Variants in ITGB2 observed in about 807,000 individuals in gnomAD.
ITGB2 encodes the protein integrin beta-2.
Under a neutral mutation model 86.8 loss-of-function variants are expected in ITGB2, and 56 were observed. The ratio of observed to expected loss-of-function variants is 0.65; its 90% CI spans 0.52 to 0.81. ITGB2 has a LOEUF of 0.81. ITGB2 is among the 30% of genes least tolerant of loss of function. ITGB2 has a pLI of 0.00. For synonymous variants in ITGB2, 457 were observed against 450.4 expected (o/e 1.01, Z -0.19); for missense variants, 948 against 1,061.2 (o/e 0.89, Z 1.48).
intron 3 of ITGB2, among the ~76,000 whole-genome samples, chr21:44,908,618 C>T (rs1372405276): frequency 1.3e-5 from 2 of 152,108 alleles, no homozygotes; most frequent in Non-Finnish European, 2.9e-5. Context: ...ATTTCTTTTT[C>T]GGGGAGCTCG....
At chr21:44,891,631 G>A (rs549257362) in intron 11 of ITGB2, among the ~76,000 whole-genome samples, 178 bp downstream of exon 11, 4 of 152,278 alleles carry the variant, frequency 2.6e-5, no homozygotes, top group East Asian at 1.9e-4. Flanking sequence ...AGGGCTTGCC[G>A]AGGGGTTCTG....
At position 44,888,714 on chromosome 21, in the gene ITGB2, T is replaced by A; in HGVS notation, c.2059A>T (p.Ile687Phe). 6.2e-7 allele frequency: 1 copy of A among 1,609,604 alleles called. No individual in the cohort carries two copies. Among genetic ancestry groups the A allele is most frequent in the Non-Finnish European group, 8.5e-7 (1 of 1,179,634 alleles). Residue 687 changes from isoleucine to phenylalanine, a missense_variant, in exon 14 of 16, where the codon ATC becomes TTC. Coordinates refer to ENST00000652462, the MANE Select transcript of ITGB2 (RefSeq NM_000211.5). ...EQQDGMDRYL[I>F]YVDESRECVA... ...TCACCTCGGCTCTCATCCACATAGATGAGGTAGCGGTCCATCCCGTCCTGC... is the reference window on the plus strand; with the variant it reads ...TCACCTCGGCTCTCATCCACATAGAAGAGGTAGCGGTCCATCCCGTCCTGC...
At chr21:44,897,389 C>T (rs1250470596) in intron 8 of ITGB2, among the ~76,000 whole-genome samples, 1 of 152,206 alleles carries the variant, frequency 6.6e-6, no homozygotes, top group African/African-American at 2.4e-5. Context: ...GGCAGAGCCC[C>T]AGGCAGGGGG....
intron 5 of ITGB2, among the ~76,000 whole-genome samples, chr21:44,902,121 G>T (rs1347599807): frequency 6.6e-6 from 1 of 152,238 alleles, no homozygotes; most frequent in Admixed American, 6.5e-5. Context: ...ACGTATTCCT[G>T]TATGCATGTG....
intron 2 of ITGB2, 147 bp from the exon 3 acceptor site, chr21:44,910,519 G>T: frequency 6.6e-7 from 1 of 1,510,238 alleles, no homozygotes; most frequent in Admixed American, 2.0e-5. Flanking sequence ...CCACCCCCAG[G>T]TGCAAAGAGG....
At chr21:44,914,941 A>G (rs2084182848) in intron 1 of ITGB2, among the ~76,000 whole-genome samples, 5 of 151,868 alleles carry the variant, frequency 3.3e-5, no homozygotes, top group Admixed American at 3.3e-4. Context: ...TCAAAAAAAA[A>G]AGAAAAGAAA....
chr21:44,900,481 A>G lies in ITGB2; in HGVS notation c.742-6T>C, dbSNP rs1340864224. 1 of 1,613,616 alleles carries G rather than the reference A, an allele frequency of 6.2e-7. No homozygotes were observed. Among genetic ancestry groups the G allele is most frequent in the Admixed American group, 1.7e-5 (1 of 59,994 alleles). ...TTGCGCCAGCCGATTTCCTCCTGAG[A>G]AGAAGGCGTGGGGGGCAGGGTTACC... is the stretch of plus-strand genomic sequence containing the variant. On this transcript the variant is annotated splice_polypyrimidine_tract_variant and splice_region_variant and intron_variant, in intron 6 of 15. Coordinates refer to ENST00000652462, the MANE Select transcript of ITGB2 (RefSeq NM_000211.5).
At chr21:44,903,607 C>A in intron 4 of ITGB2, 72 bp from the exon 5 acceptor site, 1 of 1,581,472 alleles carries the variant, frequency 6.3e-7, no homozygotes, top group Non-Finnish European at 8.6e-7. Flanking sequence ...CGTGTGGCCC[C>A]GAGCGGGCTG....
chr21:44,891,176 C>T (rs909881237), intron 11 of ITGB2, among the ~76,000 whole-genome samples: 17 of 152,222 alleles, frequency 1.1e-4, no homozygotes, highest in South Asian at 2.1e-4. Flanking sequence ...ATCCAGCCCC[C>T]GGGCAGGCCG....
chr21:44,913,565 G>T (rs531156557), intron 1 of ITGB2, among the ~76,000 whole-genome samples: 1 of 152,240 alleles, frequency 6.6e-6, no homozygotes, highest in African/African-American at 2.4e-5. Flanking sequence ...TTGGAGCTGG[G>T]GGCACAAGAG....
chr21:44,911,738 C>T (rs2084136850), intron 1 of ITGB2, among the ~76,000 whole-genome samples: 1 of 152,244 alleles, frequency 6.6e-6, no homozygotes, highest in African/African-American at 2.4e-5. Flanking sequence ...AGTGGTCACT[C>T]ACAGGCCCTC....
chr21:44,905,846 G>A (rs949529418), intron 4 of ITGB2, among the ~76,000 whole-genome samples: 6 of 151,920 alleles, frequency 3.9e-5, no homozygotes, highest in East Asian at 1.9e-4. Context: ...TCACCTGGCC[G>A]CCTGCACCCT....
chr21:44,922,969 C>T (rs776636147), upstream of ITGB2: 1 of 152,180 alleles, frequency 6.6e-6, no homozygotes, highest in East Asian at 1.9e-4. Flanking sequence ...CTACTACACC[C>T]GCTGATGACT....
Position 44,891,952 on chromosome 21 carries a change from C to T in ITGB2, c.1269G>A (p.Glu423=), listed in dbSNP as rs762222242. 6.2e-7 allele frequency: 1 copy of T among 1,613,368 alleles called. No homozygotes were observed. Among genetic ancestry groups the T allele is most frequent in the Non-Finnish European group, 8.5e-7 (1 of 1,180,002 alleles). Residue 423 remains glutamate (E), a synonymous_variant, in exon 11 of 16, where the codon GAG becomes GAA. Transcript: ENST00000652462. The part of the protein sequence containing the change: ...VKVTATECIQ[E]QSFVIRALGF... ...CCAGCGCCCGGATGACAAACGACTGCTCCTGGATGCACTCTGTGGCCGTGA... is the reference window on the plus strand; with the variant it reads ...CCAGCGCCCGGATGACAAACGACTGTTCCTGGATGCACTCTGTGGCCGTGA...
chr21:44,918,066 G>A (rs2084237407), intron 1 of ITGB2, among the ~76,000 whole-genome samples: 2 of 152,226 alleles, frequency 1.3e-5, no homozygotes, highest in African/African-American at 4.8e-5. Context: ...CTGGCACCAG[G>A]TCCGGCTTGG....
chr21:44,911,541 G>A (rs1325330365), intron 1 of ITGB2: 1 of 152,580 alleles, frequency 6.6e-6, no homozygotes, highest in Non-Finnish European at 1.5e-5. Context: ...GGAAGAGAAA[G>A]CTGGCTTGAT....
chr21:44,924,145 T>A (rs2146575378), upstream of ITGB2, among the ~76,000 whole-genome samples: 1 of 151,996 alleles, frequency 6.6e-6, no homozygotes, highest in South Asian at 2.1e-4. Context: ...AATAAACACA[T>A]CAGGCCAGTC....
In ITGB2 at chr21:44,888,888, C is replaced by T. The variant is rs200894474; in HGVS notation, c.1885G>A (p.Ala629Thr). 2.4e-5 allele frequency: 39 copies of T among 1,604,818 alleles called. No homozygotes were observed. The highest frequency in any genetic ancestry group is 1.1e-4 in the African/African-American group (8 of 75,030). Residue 629 changes from alanine to threonine, a missense_variant, in exon 14 of 16, where the codon GCC becomes ACC. Physicochemically the swap from Ala to Thr is moderately conservative, Grantham distance 58. Coordinates refer to ENST00000652462, the MANE Select transcript of ITGB2 (RefSeq NM_000211.5). The stretch of plus-strand genomic sequence containing the variant: ...CCCTTTTCGAACTTCAGGCACTCGG[C>T]GCAGGAGCTGCGGGGAGCCAGGTGT... ...PSPCGKYISC[A>T]ECLKFEKGPF...
chr21:44,892,484 G>T (rs922121287), intron 10 of ITGB2, among the ~76,000 whole-genome samples: 1 of 151,998 alleles, frequency 6.6e-6, no homozygotes, highest in Non-Finnish European at 1.5e-5. Context: ...GCCGAGCGTG[G>T]TGGCACACGC....
Sources: gnomAD v4.1 joint callset for allele counts (sites outside exome capture counted in the v4.1 genomes callset) on GRCh38, gnomAD v4.1.1 for gene constraint, MANE v1.5 for transcripts, NCBI Gene and HGNC (gene_info 2026-07-23, HGNC 2026-07-21) for gene names.